The following IRF2BPL variants were observed in gnomAD, a reference collection of about 807,000 sequenced individuals.
The protein encoded by IRF2BPL is probable E3 ubiquitin-protein ligase IRF2BPL.
In IRF2BPL, 13 loss-of-function variants were observed where a neutral mutation model predicts 51.2. That is an observed-to-expected ratio of 0.25 (90% CI 0.17 to 0.40). The LOEUF is 0.40. Among genes scored for constraint, IRF2BPL ranks in the 10% least tolerant of loss-of-function variants. IRF2BPL has a pLI of 1.00. For missense variants in IRF2BPL, 1,210 were observed against 1,111.8 expected (o/e 1.09, Z -1.26); for synonymous variants, 768 against 509.2 (o/e 1.51, Z -6.84).
In IRF2BPL at chr14:77,026,781, T is replaced by C. The variant is rs760487160; in HGVS notation, c.1012A>G (p.Thr338Ala). ...TCCTTCAACTCGCGCTCCTGGTCTG[T>C]GCTCGACACCGAGCCGGGCCTCTTA... Reference protein sequence around the residue: ...GGKRPGSVSSTDQERELKEKQ... With the variant: ...GGKRPGSVSSADQERELKEKQ... Residue 338 changes from threonine to alanine, a missense_variant, in exon 1 of 1, where the codon ACA (threonine) becomes GCA (alanine). Thr to Ala is a moderately conservative substitution (Grantham distance 58). Transcript: ENST00000238647. 9 of 1,612,698 alleles carry C rather than the reference T, an allele frequency of 5.6e-6. No homozygotes were observed. The highest frequency in any genetic ancestry group is 7.6e-6 in the Non-Finnish European group (9 of 1,179,820).
Position 77,025,482 on chromosome 14 carries a change from C to T in IRF2BPL, c.2311G>A (p.Val771Ile). The change falls in exon 1 of 1, where the codon GTA (valine) becomes ATA (isoleucine). Residue 771 changes from valine (V) to isoleucine (I), a missense_variant. By Grantham distance (29) the Val-to-Ile change is conservative. Transcript: ENST00000238647. ...TCGCCCTGCATGAAGGCCCAAGGTA[C>T]ATTCGACCCGACTAGGGGGCATTTC... Reference protein sequence around the residue: ...GEKCPLVGSNVPWAFMQGEIA... With the variant: ...GEKCPLVGSNIPWAFMQGEIA... The T allele has an allele frequency of 6.2e-7, 1 of 1,612,376 alleles. No individual in the cohort carries two copies. The highest frequency in any genetic ancestry group is 1.1e-5 in the South Asian group (1 of 90,892).
At position 77,027,029 on chromosome 14, in the gene IRF2BPL, T is replaced by G. The variant is rs987595336; in HGVS notation, c.764A>C (p.Asn255Thr). The G allele has an allele frequency of 1.3e-6, 2 of 1,539,400 alleles. No individual in the cohort carries two copies. Among genetic ancestry groups the G allele is most frequent in the Non-Finnish European group, 1.7e-6 (2 of 1,144,230 alleles). ...GGGPQLTVPPNLLPQTLLNGP... is the reference protein window; with the variant it reads ...GGGPQLTVPPTLLPQTLLNGP... ...GTTAAGCAGCGTCTGCGGTAGCAGG[T>G]TGGGGGGCACGGTGAGCTGGGGGCC... is the stretch of plus-strand genomic sequence containing the variant. The change falls in exon 1 of 1, where the codon AAC (asparagine) becomes ACC (threonine). Residue 255 changes from asparagine to threonine, a missense_variant. By Grantham distance (65) the Asn-to-Thr change is moderately conservative. Transcript: ENST00000238647.
In IRF2BPL at chr14:77,028,033, C is replaced by T. The variant is rs1594798680; in HGVS notation, c.-241G>A. On this transcript the variant is annotated 5_prime_UTR_variant, in exon 1 of 1. Coordinates refer to ENST00000238647, the MANE Select transcript of IRF2BPL (RefSeq NM_024496.4). ...TCAGCCCTCTCTTCGCCCCCACCTCCTACTGCGGTTGACTCGTCGCGAGGG... is the reference window on the plus strand; with the variant it reads ...TCAGCCCTCTCTTCGCCCCCACCTCTTACTGCGGTTGACTCGTCGCGAGGG... The T allele has an allele frequency of 9.4e-6, 4 of 426,822 alleles. No individual in the cohort carries two copies. The highest frequency in any genetic ancestry group is 1.7e-5 in the Non-Finnish European group (4 of 239,984). 26.4% of individuals were successfully genotyped at this position (426,822 alleles called of 1,614,324 possible). A position where few individuals can be genotyped will look rare whatever the true frequency, so the allele number is the denominator to read the frequency against.
Position 77,025,928 on chromosome 14 carries a change from G to C in IRF2BPL, c.1865C>G (p.Ser622Cys), listed in dbSNP as rs779186287. 1.2e-6 allele frequency: 2 copies of C among 1,610,450 alleles called. No individual in the cohort carries two copies. Among genetic ancestry groups the C allele is most frequent in the Admixed American group, 1.7e-5 (1 of 59,696 alleles). ...PPESAPQNGP[S>C]PMAALMSVAD... Reference sequence around the variant, plus strand: ...CACCGACATGAGAGCGGCCATAGGGGACGGACCGTTCTGGGGGGCTGACTC... The same window carrying C: ...CACCGACATGAGAGCGGCCATAGGGCACGGACCGTTCTGGGGGGCTGACTC... The change falls in exon 1 of 1, where the codon TCC becomes TGC. Residue 622 changes from serine (S) to cysteine (C), a missense_variant. By Grantham distance (112) the Ser-to-Cys change is moderately radical (BLOSUM62 -1). Transcript: ENST00000238647.
rs1885072468 is a variant in IRF2BPL, at chr14:77,025,152, A to G, written c.*250T>C. 3.0e-6 allele frequency: 1 copy of G among 338,100 alleles called. No homozygotes were observed. Among genetic ancestry groups the G allele is most frequent in the African/African-American group, 2.1e-5 (1 of 47,350 alleles). The allele number at this position is 338,100 out of a possible 1,614,324, so 20.9% of individuals were successfully genotyped here. A position where few individuals can be genotyped will look rare whatever the true frequency, so the allele number is the denominator to read the frequency against. On this transcript the variant is annotated 3_prime_UTR_variant, in exon 1 of 1. Coordinates refer to ENST00000238647, the MANE Select transcript of IRF2BPL (RefSeq NM_024496.4). ...CTAACGATATGATGCAAATGACCCA[A>G]CCAATACTATACTGCTTAACACAAA...
chr14:77,028,694 G>A lies in IRF2BPL; in HGVS notation c.-902C>T, dbSNP rs2139978869. On this transcript the variant is annotated 5_prime_UTR_variant, in exon 1 of 1. Coordinates refer to ENST00000238647, the MANE Select transcript of IRF2BPL (RefSeq NM_024496.4). ...TCTCGGCGCTCCTGCTCCGGCTGCG[G>A]CTCGCGCTGTCCCCGGCTTGGCCGC... 1 of 356,052 alleles carries A rather than the reference G, an allele frequency of 2.8e-6. No individual in the cohort carries two copies. Among genetic ancestry groups the A allele is most frequent in the Non-Finnish European group, 5.0e-6 (1 of 198,420 alleles). 22.1% of individuals were successfully genotyped at this position (356,052 alleles called of 1,614,324 possible). A position where few individuals can be genotyped will look rare whatever the true frequency, so the allele number is the denominator to read the frequency against.
chr14:77,027,299 A>G lies in IRF2BPL; in HGVS notation c.494T>C (p.Val165Ala). 6.4e-7 allele frequency: 1 copy of G among 1,561,346 alleles called. No individual in the cohort carries two copies. The highest frequency in any genetic ancestry group is 8.6e-7 in the Non-Finnish European group (1 of 1,161,200). ...AAAAAAAAAA[V>A]EQRSRFEYPP... is the part of the protein sequence containing the mutation. ...GTACTCGAAGCGGCTGCGCTGTTCC[A>G]CCGCAGCGGCGGCGGCGGCGGCGGC... The change falls in exon 1 of 1, where the codon GTG becomes GCG. Residue 165 changes from valine (V) to alanine (A), a missense_variant. Coordinates refer to ENST00000238647, the MANE Select transcript of IRF2BPL (RefSeq NM_024496.4).
In IRF2BPL at chr14:77,025,593, G is replaced by A. The variant is rs1885088030; in HGVS notation, c.2200C>T (p.Pro734Ser). ...DTHFVQCPSV[P>S]SHKFCFPCSR... is the part of the protein sequence containing the mutation. ...CAAGGGAAGCAAAATTTGTGGCTGG[G>A]GACGGAAGGGCACTGAACGAAATGC... is the stretch of plus-strand genomic sequence containing the variant. The change falls in exon 1 of 1, where the codon CCC becomes TCC. Residue 734 changes from proline to serine, a missense_variant. Transcript: ENST00000238647. 2 of 1,606,354 alleles carry A rather than the reference G, an allele frequency of 1.2e-6. No homozygotes were observed. Among genetic ancestry groups the A allele is most frequent in the South Asian group, 1.1e-5 (1 of 90,292 alleles).
chr14:77,025,589 C>T lies in IRF2BPL; in HGVS notation c.2204G>A (p.Ser735Asn), dbSNP rs537373114. The part of the protein sequence containing the change: ...THFVQCPSVP[S>N]HKFCFPCSRE... ...AGAGCAAGGGAAGCAAAATTTGTGG[C>T]TGGGGACGGAAGGGCACTGAACGAA... The change falls in exon 1 of 1, where the codon AGC becomes AAC. Residue 735 changes from serine (S) to asparagine (N), a missense_variant. Coordinates refer to ENST00000238647, the MANE Select transcript of IRF2BPL (RefSeq NM_024496.4). 9.3e-6 allele frequency: 15 copies of T among 1,607,178 alleles called. No individual in the cohort carries two copies. In the African/African-American group the frequency reaches 1.2e-4, roughly 13 times the overall value.
Position 77,026,451 on chromosome 14 carries a change from C to G in IRF2BPL, c.1342G>C (p.Asp448His). The G allele has an allele frequency of 6.2e-7, 1 of 1,613,564 alleles. No individual in the cohort carries two copies. Among genetic ancestry groups the G allele is most frequent in the Non-Finnish European group, 8.5e-7 (1 of 1,180,014 alleles). ...CCCGAGGATAGGCCCCGGCCGAAGTCCTTCATGCAGTCCTGATACATCTGC... is the reference window on the plus strand; with the variant it reads ...CCCGAGGATAGGCCCCGGCCGAAGTGCTTCATGCAGTCCTGATACATCTGC... ...AKQMYQDCMK[D>H]FGRGLSSGFK... Residue 448 changes from aspartate (D) to histidine (H), a missense_variant, in exon 1 of 1, where the codon GAC becomes CAC. By Grantham distance (81) the Asp-to-His change is moderately conservative (BLOSUM62 -1). Transcript: ENST00000238647.
rs200317113 is a variant in IRF2BPL at position 77,027,418 on chromosome 14, TTGCTGCTGCTGCTGCTGC to T, written c.357_374del (p.Gln122_Gln127del). ...AACCATCAACGTGGTTGAGCTGTTGTTGCTGCTGCTGCTGCTGCTGCTGCTGCTGCTGTTGCTGCTGCT... is the reference window on the plus strand; with the variant it reads ...AACCATCAACGTGGTTGAGCTGTTGTTGCTGCTGCTGCTGTTGCTGCTGCT... On this transcript the variant is annotated inframe_deletion, in exon 1 of 1. Transcript: ENST00000238647. 1.4e-5 allele frequency: 20 copies of T among 1,385,372 alleles called. No individual in the cohort carries two copies. The highest frequency in any genetic ancestry group is 2.8e-5 in the South Asian group (2 of 71,350). The allele number at this position is 1,385,372 out of a possible 1,614,324, so 85.8% of individuals were successfully genotyped here. A position where few individuals can be genotyped will look rare whatever the true frequency, so the allele number is the denominator to read the frequency against.
At position 77,026,259 on chromosome 14, in the gene IRF2BPL, C is replaced by T; in HGVS notation, c.1534G>A (p.Val512Met). 6.7e-7 allele frequency: 1 copy of T among 1,483,242 alleles called. No homozygotes were observed. The allele number at this position is 1,483,242 out of a possible 1,614,324, so 91.9% of individuals were successfully genotyped here. The change falls in exon 1 of 1, where the codon GTG becomes ATG. Residue 512 changes from valine (V) to methionine (M), a missense_variant. Val to Met is a conservative substitution (Grantham distance 21, BLOSUM62 1). Transcript: ENST00000238647. ...ASCPMLPTALVSLSRAPSAPP... is the reference protein window; with the variant it reads ...ASCPMLPTALMSLSRAPSAPP... ...GCGCTGGGGGCGCGGCTCAGACTCA[C>T]CAGAGCAGTGGGCAGCATGGGACAG... is the stretch of plus-strand genomic sequence containing the variant.
rs1885102206 is a variant in IRF2BPL at position 77,025,979 on chromosome 14, G to A, written c.1814C>T (p.Pro605Leu). Residue 605 changes from proline (P) to leucine (L), a missense_variant, in exon 1 of 1, where the codon CCC becomes CTC. Pro to Leu is a moderately conservative substitution (Grantham distance 98). Coordinates refer to ENST00000238647, the MANE Select transcript of IRF2BPL (RefSeq NM_024496.4). ...GPPPPPPPLGPHSNRTTPPES... is the reference protein window; with the variant it reads ...GPPPPPPPLGLHSNRTTPPES... ...AGGTGGGGTGGTCCGGTTGGAATGG[G>A]GTCCCAGAGGTGGGGGCGGCGGAGG... The A allele has an allele frequency of 6.3e-7, 1 of 1,589,878 alleles. No individual in the cohort carries two copies. The highest frequency in any genetic ancestry group is 2.3e-5 in the East Asian group (1 of 43,338).
chr14:77,025,674 T>C lies in IRF2BPL; in HGVS notation c.2119A>G (p.Met707Val), dbSNP rs746822728. Residue 707 changes from methionine to valine, a missense_variant, in exon 1 of 1, where the codon ATG becomes GTG. By Grantham distance (21) the Met-to-Val change is conservative. Coordinates refer to ENST00000238647, the MANE Select transcript of IRF2BPL (RefSeq NM_024496.4). ...VHPQNIPDSP[M>V]ANSGPLCCTI... is the part of the protein sequence containing the mutation. ...CAGCAGAGGGGTCCGCTGTTGGCCATGGGGGAATCCGGAATGTTTTGGGGG... is the reference window on the plus strand; with the variant it reads ...CAGCAGAGGGGTCCGCTGTTGGCCACGGGGGAATCCGGAATGTTTTGGGGG... The C allele has an allele frequency of 1.6e-5, 25 of 1,562,774 alleles. No individual in the cohort carries two copies. Among genetic ancestry groups the C allele is most frequent in the Non-Finnish European group, 2.2e-5 (25 of 1,152,014 alleles).
rs554195069 is a variant in IRF2BPL at position 77,024,914 on chromosome 14, A to ATT, written c.*486_*487dup. On this transcript the variant is annotated 3_prime_UTR_variant, in exon 1 of 1. Coordinates refer to ENST00000238647, the MANE Select transcript of IRF2BPL (RefSeq NM_024496.4). ...AAGGAAGCTTTCACCATTTTATAGC[A>ATT]TTTTTTTTTTTTTTTTTTTTTTTTT... 10 of 23,016 alleles carry ATT rather than the reference A, an allele frequency of 4.3e-4. 3 individuals are homozygous for ATT. Among genetic ancestry groups the ATT allele is most frequent in the African/African-American group, 1.2e-3 (7 of 5,796 alleles). 1.4% of individuals were successfully genotyped at this position (23,016 alleles called of 1,614,324 possible). A position where few individuals can be genotyped will look rare whatever the true frequency, so the allele number is the denominator to read the frequency against.
rs367674240 is a variant in IRF2BPL, at chr14:77,026,993, C to A, written c.800G>T (p.Ser267Ile). The change falls in exon 1 of 1, where the codon AGC (serine) becomes ATC (isoleucine). Residue 267 changes from serine (S) to isoleucine (I), a missense_variant. Coordinates refer to ENST00000238647, the MANE Select transcript of IRF2BPL (RefSeq NM_024496.4). ...AGGGGGTGGGGGGAGTACCGCAGCGCTGGCCGGGCCGTTAAGCAGCGTCTG... is the reference window on the plus strand; with the variant it reads ...AGGGGGTGGGGGGAGTACCGCAGCGATGGCCGGGCCGTTAAGCAGCGTCTG... Reference protein sequence around the residue: ...LPQTLLNGPASAAVLPPPPPH... With the variant: ...LPQTLLNGPAIAAVLPPPPPH... The A allele has an allele frequency of 2.1e-5, 32 of 1,496,524 alleles. 1 individual carries two copies. The African/African-American group carries it at 4.3e-4, about 20-fold the overall frequency. The allele number at this position is 1,496,524 out of a possible 1,614,324, so 92.7% of individuals were successfully genotyped here.
Position 77,025,375 on chromosome 14 carries a change from G to A in IRF2BPL, c.*27C>T, listed in dbSNP as rs566462991. On this transcript the variant is annotated 3_prime_UTR_variant, in exon 1 of 1. Coordinates refer to ENST00000238647, the MANE Select transcript of IRF2BPL (RefSeq NM_024496.4). ...TCAGGATTGGAGAGGAGCTGGTCTA[G>A]GGCAAAGGAGGTGGCTGCCCAGTGG... is the stretch of plus-strand genomic sequence containing the variant. 2.0e-6 allele frequency: 3 copies of A among 1,505,556 alleles called. No individual in the cohort carries two copies. The highest frequency in any genetic ancestry group is 1.3e-5 in the South Asian group (1 of 76,522). The allele number at this position is 1,505,556 out of a possible 1,614,324, so 93.3% of individuals were successfully genotyped here.
Position 77,025,943 on chromosome 14 carries a change from G to C in IRF2BPL, c.1850C>G (p.Pro617Arg). 6.2e-7 allele frequency: 1 copy of C among 1,608,138 alleles called. No homozygotes were observed. Among genetic ancestry groups the C allele is most frequent in the Non-Finnish European group, 8.5e-7 (1 of 1,177,936 alleles). Residue 617 changes from proline (P) to arginine (R), a missense_variant, in exon 1 of 1, where the codon CCC becomes CGC. Physicochemically the swap from Pro to Arg is moderately radical, Grantham distance 103. Transcript: ENST00000238647. ...GGCCATAGGGGACGGACCGTTCTGG[G>C]GGGCTGACTCAGGTGGGGTGGTCCG... Reference protein sequence around the residue: ...SNRTTPPESAPQNGPSPMAAL... With the variant: ...SNRTTPPESARQNGPSPMAAL...
rs1566787224 is a variant in IRF2BPL at position 77,027,712 on chromosome 14, G to GA, written c.80dup (p.Trp28LeufsTer18). 1 of 1,609,440 alleles carries GA rather than the reference G, an allele frequency of 6.2e-7. No homozygotes were observed. The highest frequency in any genetic ancestry group is 1.7e-5 in the Admixed American group (1 of 59,834). On this transcript the variant is annotated frameshift_variant, in exon 1 of 1. Transcript: ENST00000238647. LOFTEE classifies it high-confidence loss of function. ...GGCATACGGGTTCCGAGAAGTCCCAGATCATGGCCCAGGGCATGCGGGGCA... is the reference window on the plus strand; with the variant it reads ...GGCATACGGGTTCCGAGAAGTCCCAGAATCATGGCCCAGGGCATGCGGGGCA...
Sources: allele counts gnomAD v4.1 joint callset, GRCh38; gene constraint gnomAD v4.1.1; transcripts MANE v1.5; gene names NCBI Gene and HGNC (gene_info 2026-07-23, HGNC 2026-07-21).